The following KLHL1 variants were observed in gnomAD, a reference collection of about 807,000 sequenced individuals.
KLHL1 encodes kelch like family member 1.
In KLHL1, 47 loss-of-function variants were observed where a neutral mutation model predicts 77.7. The observed-to-expected ratio is 0.60, with a 90% CI of 0.48 to 0.77. KLHL1 has a LOEUF of 0.77. Among genes scored for constraint, KLHL1 ranks in the 30% least tolerant of loss-of-function variants. The pLI is 0.00. For synonymous variants in KLHL1, 360 were observed against 325.2 expected, an observed-to-expected ratio of 1.11 and a Z score of -1.15; for missense variants, 925 against 910.8, an observed-to-expected ratio of 1.02 and a Z score of -0.20.
chr13:69,988,132 T>A (rs1383781347), intron 1 of KLHL1, among the ~76,000 whole-genome samples: 1 of 151,892 alleles, frequency 6.6e-6, no homozygotes, highest in African/African-American at 2.4e-5. Flanking sequence ...CACCCTCAAG[T>A]TGGCCCCAGT....
At chr13:70,076,572 T>C (rs1243127941) in intron 1 of KLHL1, among the ~76,000 whole-genome samples, 1 of 151,306 alleles carries the variant, frequency 6.6e-6, no homozygotes, top group Non-Finnish European at 1.5e-5. Flanking sequence ...AATGTGACAA[T>C]GAGTTTTTAG....
chr13:69,849,395 A>T (rs979612599), intron 5 of KLHL1, among the ~76,000 whole-genome samples: 16 of 151,522 alleles, frequency 1.1e-4, no homozygotes, highest in African/African-American at 3.6e-4. Context: ...GAAGCACGTT[A>T]TTCTACATTT....
At chr13:69,706,107 C>T (rs565878512) in intron 10 of KLHL1, among the ~76,000 whole-genome samples, 35 of 151,350 alleles carry the variant, frequency 2.3e-4, no homozygotes, top group South Asian at 2.3e-3. Context: ...ATATATCCTT[C>T]GAAATTTTAG....
At chr13:69,799,160 GAAAGT>G (rs1039391862) in intron 6 of KLHL1, among the ~76,000 whole-genome samples, 1 of 151,872 alleles carries the variant, frequency 6.6e-6, no homozygotes, top group African/African-American at 2.4e-5. Context: ...GATGGCAGAA[GAAAGT>G]AATCTAATCC....
chr13:69,866,937 A>G (rs746243058), intron 5 of KLHL1, among the ~76,000 whole-genome samples: 8 of 133,344 alleles, frequency 6.0e-5, no homozygotes, highest in Admixed American at 4.4e-4. Flanking sequence ...TTTCTGACCT[A>G]AATTATCACG....
At chr13:70,075,239 A>G (rs1203359530) in intron 1 of KLHL1, among the ~76,000 whole-genome samples, 2 of 151,898 alleles carry the variant, frequency 1.3e-5, no homozygotes, top group East Asian at 3.9e-4. Flanking sequence ...GCTGGATGGG[A>G]CAAGTAAAGG....
rs185088956 is a variant in KLHL1, at chr13:70,054,025, G to A, written c.497+53178C>T. Among the ~76,000 whole-genome samples the A allele has an allele frequency of 1.7e-3, 256 of 152,120 alleles. 1 individual carries two copies. The highest frequency in any genetic ancestry group is 5.8e-3 in the African/African-American group (240 of 41,514). On this transcript the variant is annotated intron_variant, in intron 1 of 10. Transcript: ENST00000377844. ...GGCATTTTGTTCCTCTCATTTCTGGGAAAAATGTGAGTATTAAAAACATTC... is the reference window on the plus strand; with the variant it reads ...GGCATTTTGTTCCTCTCATTTCTGGAAAAAATGTGAGTATTAAAAACATTC...
chr13:69,714,812 T>G (rs1462806075), intron 9 of KLHL1, among the ~76,000 whole-genome samples: 1 of 152,004 alleles, frequency 6.6e-6, no homozygotes, highest in Non-Finnish European at 1.5e-5. Flanking sequence ...CAGGATGGTC[T>G]TAAACCCCTG....
At chr13:69,983,144 GGGTGCAAGA>G in intron 1 of KLHL1, among the ~76,000 whole-genome samples, 1 of 152,154 alleles carries the variant, frequency 6.6e-6, no homozygotes, top group South Asian at 2.1e-4. Context: ...ATAGTACAGA[GGGTGCAAGA>G]TTTCTACAAT....
chr13:69,797,369 G>A (rs938511696), intron 6 of KLHL1, among the ~76,000 whole-genome samples: 6 of 152,108 alleles, frequency 3.9e-5, no homozygotes, highest in Admixed American at 3.3e-4. Flanking sequence ...ATGTTATTTG[G>A]ATAATTTCTG....
chr13:69,738,042 T>G (rs1873835294), intron 8 of KLHL1, among the ~76,000 whole-genome samples: 1 of 152,154 alleles, frequency 6.6e-6, no homozygotes. Context: ...AGGAGCAAGC[T>G]GCCATCTTTG....
intron 1 of KLHL1, among the ~76,000 whole-genome samples, chr13:70,016,248 G>A (rs969886448): frequency 2.6e-5 from 4 of 152,222 alleles, no homozygotes; most frequent in Admixed American, 2.0e-4. Context: ...ACCAGCTGCA[G>A]TGAGGGCTGT....
intron 8 of KLHL1, among the ~76,000 whole-genome samples, chr13:69,726,449 C>T (rs190432798): frequency 9.9e-5 from 15 of 152,244 alleles, no homozygotes; most frequent in African/African-American, 3.4e-4. Context: ...ACGTGCTTTA[C>T]AGGACAGTGA....
chr13:69,867,481 A>G (rs1318469902), intron 5 of KLHL1, among the ~76,000 whole-genome samples: 1 of 152,052 alleles, frequency 6.6e-6, no homozygotes, highest in Non-Finnish European at 1.5e-5. Context: ...GGAAAAATAA[A>G]CTAGTAATAG....
At chr13:69,889,822 C>G (rs868774491) in intron 4 of KLHL1, among the ~76,000 whole-genome samples, 1 of 152,018 alleles carries the variant, frequency 6.6e-6, no homozygotes, top group Admixed American at 6.6e-5. Flanking sequence ...ATTAAATTTA[C>G]TATCCTTAGA....
At chr13:70,046,524 G>A (rs1403281887) in intron 1 of KLHL1, among the ~76,000 whole-genome samples, 1 of 152,164 alleles carries the variant, frequency 6.6e-6, no homozygotes, top group African/African-American at 2.4e-5. Context: ...ATCTCGCTCT[G>A]TTGCCCAGGC....
intron 6 of KLHL1, among the ~76,000 whole-genome samples, chr13:69,832,643 A>G (rs1205958772): frequency 7.4e-6 from 1 of 135,852 alleles, no homozygotes; most frequent in Non-Finnish European, 1.6e-5. Flanking sequence ...CCAAAGCAAG[A>G]CTAAACAACA....
intron 1 of KLHL1, among the ~76,000 whole-genome samples, chr13:69,976,660 A>G (rs1297721381): frequency 6.6e-6 from 1 of 152,064 alleles, no homozygotes; most frequent in Non-Finnish European, 1.5e-5. Flanking sequence ...TAAGACTAAA[A>G]TTGCTTACTT....
chr13:69,958,593 C>G (rs1490362313), intron 3 of KLHL1, among the ~76,000 whole-genome samples: 1 of 151,670 alleles, frequency 6.6e-6, no homozygotes, highest in Non-Finnish European at 1.5e-5. Context: ...TTTCAGAGTT[C>G]ATAAAATGTT....
Sources: allele counts gnomAD v4.1 joint callset (sites outside exome capture counted in the v4.1 genomes callset), GRCh38; gene constraint gnomAD v4.1.1; transcripts MANE v1.5; gene names NCBI Gene and HGNC (gene_info 2026-07-23, HGNC 2026-07-21).